CDH4: variants seen among roughly 807,000 people sequenced by gnomAD.
CDH4 encodes cadherin 4.
A neutral mutation model predicts 86.0 loss-of-function variants in CDH4; 33 were observed. That is an observed-to-expected ratio of 0.38 (90% confidence interval 0.29 to 0.51). The LOEUF (loss-of-function observed/expected upper bound fraction) is 0.51. CDH4 is among the 20% of genes least tolerant of loss of function. The pLI is 0.86. For synonymous variants in CDH4, 555 were observed against 549.4 expected (o/e 1.01, Z -0.14); for missense variants, 1,114 against 1,307.4 (o/e 0.85, Z 2.28).
At chr20:61,781,503 C>G (rs924079125) in intron 4 of CDH4, among the ~76,000 whole-genome samples, 1 of 152,164 alleles carries the variant, frequency 6.6e-6, no homozygotes, top group African/African-American at 2.4e-5. Flanking sequence ...ACGGAAAACT[C>G]ACTGGATGGG....
Position 61,491,527 on chromosome 20 carries a change from GA to G in CDH4, c.169+236592del, listed in dbSNP as rs540456063. On this transcript the variant is annotated intron_variant, in intron 2 of 15. Coordinates refer to ENST00000614565, the MANE Select transcript of CDH4 (RefSeq NM_001794.5). ...CCATGGAGAGTTTACATAATGGAAA[GA>G]ATATTAAAGATACAAACTGTGATTT... is the stretch of plus-strand genomic sequence containing the variant. Among the ~76,000 whole-genome samples, 340 of 152,334 alleles carry G rather than the reference GA, an allele frequency of 2.2e-3. 2 individuals are homozygous for G. Among genetic ancestry groups the G allele is most frequent in the African/African-American group, 7.7e-3 (321 of 41,588 alleles).
chr20:61,793,264 C>T (rs2146019215), intron 4 of CDH4, among the ~76,000 whole-genome samples: 1 of 152,198 alleles, frequency 6.6e-6, no homozygotes, highest in South Asian at 2.1e-4. Flanking sequence ...TGTGCCTGGC[C>T]CAGATGGTGC....
intron 6 of CDH4, among the ~76,000 whole-genome samples, chr20:61,854,739 G>A (rs11906311): frequency 1.0e-3 from 108 of 104,268 alleles, no homozygotes; most frequent in African/African-American, 3.3e-3. Flanking sequence ...CCCTTGGTCC[G>A]TCCCCAGGGC....
intron 4 of CDH4, among the ~76,000 whole-genome samples, chr20:61,796,547 G>A (rs1979546165): frequency 6.6e-6 from 1 of 152,224 alleles, no homozygotes; most frequent in Admixed American, 6.5e-5. Flanking sequence ...GGGCCCTGTA[G>A]TGGCCCCCGA....
chr20:61,773,050 G>C lies in CDH4; in HGVS notation c.444G>C (p.Pro148=), dbSNP rs1470159934. The C allele has an allele frequency of 3.7e-6, 6 of 1,613,550 alleles. No homozygotes were observed. Among genetic ancestry groups the C allele is most frequent in the African/African-American group, 1.3e-5 (1 of 74,890 alleles). The change falls in exon 4 of 16, where the codon CCG becomes CCC. Residue 148 remains proline, a synonymous_variant. Coordinates refer to ENST00000614565, the MANE Select transcript of CDH4 (RefSeq NM_001794.5). ...KVVALDPSPP[P]KDTLLPWPQH... ...TGGCTCTGGACCCCTCTCCGCCTCC[G>C]AAGGACACCCTGCTGCCGTGGCCCC...
At chr20:61,386,444 G>C (rs2084951066) in intron 2 of CDH4, among the ~76,000 whole-genome samples, 1 of 152,150 alleles carries the variant, frequency 6.6e-6, no homozygotes, top group Non-Finnish European at 1.5e-5. Flanking sequence ...GTTCCACTCT[G>C]CCTTCCCCCA....
intron 2 of CDH4, among the ~76,000 whole-genome samples, chr20:61,598,380 G>A (rs2086572339): frequency 6.7e-6 from 1 of 149,980 alleles, no homozygotes; most frequent in Non-Finnish European, 1.5e-5. Context: ...CTGCTCCAGA[G>A]GTCATGCACC....
Position 61,315,722 on chromosome 20 carries a change from A to G in CDH4, c.169+60785A>G, listed in dbSNP as rs1168691624. 2.6e-5 allele frequency among the ~76,000 whole-genome samples: 4 copies of G among 152,294 alleles called. No individual in the cohort carries two copies. In the East Asian group the frequency reaches 7.7e-4, roughly 29 times the overall value. ...ACGTTTTCATTATCATTTTTTGTTT[A>G]AGACATGGTCTTGCTCTGTCACCCA... is the stretch of plus-strand genomic sequence containing the variant. On this transcript the variant is annotated intron_variant, in intron 2 of 15. Transcript: ENST00000614565.
chr20:61,840,258 G>A (rs1450117650), intron 4 of CDH4, among the ~76,000 whole-genome samples: 1 of 152,114 alleles, frequency 6.6e-6, no homozygotes, highest in Non-Finnish European at 1.5e-5. Flanking sequence ...GGGCCTTCCC[G>A]GTGGGTGGGT....
intron 2 of CDH4, among the ~76,000 whole-genome samples, chr20:61,685,119 CCTT>C (rs1568754635): frequency 1.3e-5 from 2 of 152,302 alleles, no homozygotes; most frequent in East Asian, 3.9e-4. Flanking sequence ...CACAAATACA[CCTT>C]CTGTCTTTCC....
intron 2 of CDH4, among the ~76,000 whole-genome samples, chr20:61,296,471 C>G (rs2084355492): frequency 6.6e-6 from 1 of 151,736 alleles, no homozygotes; most frequent in Admixed American, 6.6e-5. Flanking sequence ...GTTTTTTGAC[C>G]ATGATTCATA....
chr20:61,578,076 C>T (rs1423457256), intron 2 of CDH4, among the ~76,000 whole-genome samples: 3 of 152,144 alleles, frequency 2.0e-5, no homozygotes, highest in African/African-American at 4.8e-5. Flanking sequence ...CTCTGTGTCC[C>T]GACCCTCAGC....
At chr20:61,721,754 A>G (rs948894645) in intron 2 of CDH4, among the ~76,000 whole-genome samples, 19 of 152,200 alleles carry the variant, frequency 1.2e-4, no homozygotes, top group African/African-American at 4.6e-4. Context: ...CTCGTGAAGT[A>G]TCAATCACCT....
At chr20:61,876,087 C>G (rs4925202) in intron 7 of CDH4, among the ~76,000 whole-genome samples, 3 of 152,104 alleles carry the variant, frequency 2.0e-5, no homozygotes, top group Non-Finnish European at 4.4e-5. Context: ...ACGTGATGCT[C>G]CAGAGGTACA....
At chr20:61,687,705 T>C (rs1343053731) in intron 2 of CDH4, among the ~76,000 whole-genome samples, 1 of 152,212 alleles carries the variant, frequency 6.6e-6, no homozygotes, top group Non-Finnish European at 1.5e-5. Flanking sequence ...TTAAGTCTGA[T>C]CAAAGGGAAG....
At chr20:61,835,218 G>C (rs539035456) in intron 4 of CDH4, among the ~76,000 whole-genome samples, 1 of 151,502 alleles carries the variant, frequency 6.6e-6, no homozygotes, top group Non-Finnish European at 1.5e-5. Context: ...GTCCAACTAA[G>C]TTGTTGTTGT....
chr20:61,270,402 A>T (rs1371879695), intron 2 of CDH4, among the ~76,000 whole-genome samples: 5 of 152,224 alleles, frequency 3.3e-5, no homozygotes, highest in African/African-American at 1.2e-4. Flanking sequence ...TGTTTTATCT[A>T]GTTCTTATAT....
chr20:61,922,263 C>A (rs2054991035), intron 9 of CDH4, among the ~76,000 whole-genome samples: 1 of 152,206 alleles, frequency 6.6e-6, no homozygotes, highest in Non-Finnish European at 1.5e-5. Flanking sequence ...GAAACTGTTG[C>A]AAGCTTTGCC....
intron 2 of CDH4, among the ~76,000 whole-genome samples, chr20:61,662,651 C>T (rs1345945964): frequency 6.6e-6 from 1 of 152,208 alleles, no homozygotes; most frequent in South Asian, 2.1e-4. Context: ...ACTCAGTCCC[C>T]AGGCTGATTA....
Sources: gnomAD v4.1 joint callset for allele counts (sites outside exome capture counted in the v4.1 genomes callset) on GRCh38, gnomAD v4.1.1 for gene constraint, MANE v1.5 for transcripts, NCBI Gene and HGNC (gene_info 2026-07-23, HGNC 2026-07-21) for gene names.